GTPBP1: variants seen among roughly 807,000 people sequenced by gnomAD.
GTPBP1 encodes the protein GTP-binding protein 1.
In GTPBP1, 23 loss-of-function variants were observed where a neutral mutation model predicts 62.0. The ratio of observed to expected loss-of-function variants is 0.37; its 90% CI spans 0.27 to 0.53. The LOEUF (loss-of-function observed/expected upper bound fraction) is 0.53, where lower values mean the gene tolerates loss of function less well. GTPBP1 is among the 20% of genes least tolerant of loss of function. The pLI is 0.89. For missense variants in GTPBP1, 640 were observed against 917.3 expected, an observed-to-expected ratio of 0.70 and a Z score of 3.90; for synonymous variants, 344 against 364.4, an observed-to-expected ratio of 0.94 and a Z score of 0.64.
downstream of GTPBP1, chr22:38,741,168 G>C (rs1434090533): frequency 2.6e-6 from 3 of 1,137,188 alleles, no homozygotes; most frequent in African/African-American, 4.6e-5. Flanking sequence ...AAGGTCTCTT[G>C]ACCCCTGCAG....
At chr22:38,741,709 C>G, downstream of GTPBP1, 2 of 725,748 alleles carry the variant, frequency 2.8e-6, no homozygotes, top group Non-Finnish European at 4.7e-6. Context: ...CTCTGAACCA[C>G]GCAAGACTCC....
intron 10 of GTPBP1, chr22:38,728,699 T>C (rs1367556934): frequency 6.4e-6 from 1 of 155,572 alleles, no homozygotes; most frequent in Non-Finnish European, 1.4e-5. Flanking sequence ...TTGGAATCAG[T>C]CTTTGGCTGG....
At chr22:38,741,518 G>A, downstream of GTPBP1, 1 of 1,614,066 alleles carries the variant, frequency 6.2e-7, no homozygotes. Flanking sequence ...CGATCTTCTT[G>A]AAGAGGTCTT....
downstream of GTPBP1, chr22:38,741,623 C>T: frequency 6.6e-7 from 1 of 1,524,700 alleles, no homozygotes; most frequent in Non-Finnish European, 9.1e-7. Flanking sequence ...CTTATAGGGA[C>T]CCTCATGACT....
At chr22:38,739,898 C>T (rs765349723), downstream of GTPBP1, 5 of 1,612,936 alleles carry the variant, frequency 3.1e-6, no homozygotes, top group South Asian at 3.3e-5. The surrounding 1 kb of genome is among the most constrained non-coding windows in gnomAD (Gnocchi z 6.7). Context: ...CCCCCTCCAC[C>T]TCGGGCAAGG....
chr22:38,712,807 A>G (rs2092647463), intron 2 of GTPBP1, among the ~76,000 whole-genome samples: 1 of 152,130 alleles, frequency 6.6e-6, no homozygotes, highest in East Asian at 1.9e-4. Context: ...CCTTCTTAGG[A>G]ACACTCCCAG....
chr22:38,735,362 G>A (rs924680828), downstream of GTPBP1: 15 of 392,322 alleles, frequency 3.8e-5, no homozygotes, highest in African/African-American at 2.3e-4. Flanking sequence ...TACCCTGAAC[G>A]TCCCCACAAG....
At chr22:38,708,436 A>G (rs966408053) in intron 1 of GTPBP1, among the ~76,000 whole-genome samples, 6 of 152,174 alleles carry the variant, frequency 3.9e-5, no homozygotes, top group African/African-American at 1.4e-4. Flanking sequence ...GGTGGAGGGC[A>G]TGGAGGTATA....
chr22:38,722,473 T>G (rs1485803933), intron 5 of GTPBP1, among the ~76,000 whole-genome samples: 1 of 152,234 alleles, frequency 6.6e-6, no homozygotes, highest in East Asian at 1.9e-4. Flanking sequence ...AGAGTGTTTC[T>G]ACTGAAGATG....
downstream of GTPBP1, chr22:38,736,417 C>A (rs1365465912): frequency 5.2e-6 from 8 of 1,540,716 alleles, no homozygotes; most frequent in African/African-American, 9.6e-5. Context: ...GCATCAGAGA[C>A]CTGTGAGGCC....
At chr22:38,742,902 C>T (rs976101156), downstream of GTPBP1, 12 of 219,720 alleles carry the variant, frequency 5.5e-5, no homozygotes, top group Non-Finnish European at 9.9e-5. Flanking sequence ...CTGCAGGGGG[C>T]CGTGGACCCT....
intron 4 of GTPBP1, among the ~76,000 whole-genome samples, chr22:38,719,990 G>A (rs1267987439): frequency 1.0e-4 from 15 of 147,822 alleles, no homozygotes; most frequent in Admixed American, 3.4e-4. Context: ...GTGCAGTGGC[G>A]CGATCTCAGC....
At chr22:38,740,904 A>G, downstream of GTPBP1, 1 of 1,274,578 alleles carries the variant, frequency 7.8e-7, no homozygotes, top group Non-Finnish European at 1.1e-6. This position sits in a 1 kb window ranked among gnomAD's most constrained non-coding sequence, Gnocchi z 4.8. Context: ...GCTTGGCAAG[A>G]TGATCAGAAC....
chr22:38,719,766 C>G (rs2145862624), intron 4 of GTPBP1, among the ~76,000 whole-genome samples: 1 of 152,006 alleles, frequency 6.6e-6, no homozygotes, highest in Non-Finnish European at 1.5e-5. Flanking sequence ...CTGTCTCCTA[C>G]TGTTTTTACA....
intron 1 of GTPBP1, chr22:38,706,882 A>G (rs1312483695): frequency 6.6e-6 from 1 of 152,258 alleles, no homozygotes; most frequent in Non-Finnish European, 1.5e-5. Flanking sequence ...GGCCTCGCCA[A>G]CGGCTTGACA....
Position 38,731,930 on chromosome 22 carries a change from G to A in GTPBP1, c.*1226G>A, listed in dbSNP as rs1041267338. On this transcript the variant is annotated 3_prime_UTR_variant, in exon 12 of 12. Coordinates refer to ENST00000216044, the MANE Select transcript of GTPBP1 (RefSeq NM_004286.5). ...TAGCCTTCTGGAAGAACCCCTGCCT[G>A]GGGTGGGACTGTGCAGGCCAGAGAA... 1 of 152,406 alleles carries A rather than the reference G, an allele frequency of 6.6e-6. No homozygotes were observed. The highest frequency in any genetic ancestry group is 2.4e-5 in the African/African-American group (1 of 41,452). The allele number at this position is 152,406 out of a possible 1,614,324, so 9.4% of individuals were successfully genotyped here.
chr22:38,714,478 CAA>C (rs34257833), intron 2 of GTPBP1, among the ~76,000 whole-genome samples: 68 of 46,336 alleles, frequency 1.5e-3, no homozygotes, highest in African/African-American at 4.8e-3. Context: ...GACTCCATCT[CAA>C]AAAAAAAAAA....
downstream of GTPBP1, chr22:38,734,193 G>C: frequency 2.6e-6 from 1 of 385,176 alleles, no homozygotes; most frequent in South Asian, 1.9e-5. Flanking sequence ...CGGTCAGTAT[G>C]AGAGGCTCCA....
At position 38,733,217 on chromosome 22, in the gene GTPBP1, T is replaced by A. The variant is rs1239722776; in HGVS notation, c.*2513T>A. ...CCTGCTGGTGCCTCCATAACAAGCG[T>A]CTGGCGTTGAGACCCCTGGCATGGC... On this transcript the variant is annotated 3_prime_UTR_variant, in exon 12 of 12. Coordinates refer to ENST00000216044, the MANE Select transcript of GTPBP1 (RefSeq NM_004286.5). 3 of 152,378 alleles carry A rather than the reference T, an allele frequency of 2.0e-5. No individual in the cohort carries two copies. Among genetic ancestry groups the A allele is most frequent in the Non-Finnish European group, 4.4e-5 (3 of 68,058 alleles). 9.4% of individuals were successfully genotyped at this position (152,378 alleles called of 1,614,324 possible). A position where few individuals can be genotyped will look rare whatever the true frequency, so the allele number is the denominator to read the frequency against.
Sources: gnomAD v4.1 joint callset for allele counts (sites outside exome capture counted in the v4.1 genomes callset) on GRCh38, gnomAD v4.1.1 for gene constraint, Gnocchi (gnomAD v3.1) non-coding constraint, MANE v1.5 for transcripts, NCBI Gene and HGNC (gene_info 2026-07-23, HGNC 2026-07-21) for gene names.